Variants in KLHL1 observed in about 807,000 individuals in gnomAD.
KLHL1 encodes kelch like family member 1.
KLHL1 carries 47 observed loss-of-function variants against 77.7 expected under a neutral mutation model. The observed-to-expected ratio is 0.60, with a 90% CI of 0.48 to 0.77. KLHL1 has a LOEUF of 0.77. Among genes scored for constraint, KLHL1 ranks in the 30% least tolerant of loss-of-function variants. KLHL1 has a pLI of 0.00. For missense variants in KLHL1, 925 were observed against 910.8 expected (o/e 1.02, Z -0.20); for synonymous variants, 360 against 325.2 (o/e 1.11, Z -1.15).
chr13:69,875,129 T>C (rs768680709), intron 5 of KLHL1, among the ~76,000 whole-genome samples: 1 of 151,966 alleles, frequency 6.6e-6, no homozygotes, highest in Non-Finnish European at 1.5e-5. Flanking sequence ...TCAAACACAA[T>C]TGAGATTGGG....
intron 1 of KLHL1, among the ~76,000 whole-genome samples, chr13:70,091,113 G>A (rs1887662370): frequency 1.3e-5 from 2 of 152,090 alleles, no homozygotes; most frequent in Non-Finnish European, 2.9e-5. Context: ...CTGAATAGGA[G>A]TATTCTGTTT....
intron 1 of KLHL1, among the ~76,000 whole-genome samples, chr13:69,998,818 C>T (rs1330903751): frequency 6.6e-6 from 1 of 152,020 alleles, no homozygotes; most frequent in African/African-American, 2.4e-5. Context: ...GAAGGCTCAA[C>T]TGCAAAAGAG....
At chr13:70,043,403 ATTG>A (rs1176076357) in intron 1 of KLHL1, among the ~76,000 whole-genome samples, 1 of 152,148 alleles carries the variant, frequency 6.6e-6, no homozygotes, top group East Asian at 1.9e-4. Flanking sequence ...TCAATTTATT[ATTG>A]AAGAAAGAAA....
chr13:69,840,038 T>C (rs1879180144), intron 5 of KLHL1, among the ~76,000 whole-genome samples: 1 of 151,996 alleles, frequency 6.6e-6, no homozygotes, highest in African/African-American at 2.4e-5. Flanking sequence ...CACTGAACTT[T>C]TCTTGTACAT....
At chr13:69,832,115 A>C (rs1282826792) in intron 6 of KLHL1, among the ~76,000 whole-genome samples, 1 of 149,916 alleles carries the variant, frequency 6.7e-6, no homozygotes, top group East Asian at 1.9e-4. Context: ...CGGACAAAAG[A>C]AAGAAATAAA....
In KLHL1 at chr13:70,097,301, A is replaced by T. The variant is rs1445781335; in HGVS notation, c.497+9902T>A. 3.3e-5 allele frequency among the ~76,000 whole-genome samples: 5 copies of T among 152,178 alleles called. No individual in the cohort carries two copies. In the East Asian group the frequency reaches 9.6e-4, roughly 29 times the overall value. On this transcript the variant is annotated intron_variant, in intron 1 of 10. Coordinates refer to ENST00000377844, the MANE Select transcript of KLHL1 (RefSeq NM_020866.3). ...AAAATAAATAAAACTGAAACAACAA[A>T]AACAAATCCTCAAAGCAGAGGAAAA...
intron 3 of KLHL1, among the ~76,000 whole-genome samples, chr13:69,941,153 G>A (rs1343099556): frequency 6.6e-6 from 1 of 151,964 alleles, no homozygotes; most frequent in East Asian, 1.9e-4. Flanking sequence ...CTAAACTGCA[G>A]AATATATGTT....
chr13:70,053,052 A>T (rs907988550), intron 1 of KLHL1, among the ~76,000 whole-genome samples: 1 of 151,994 alleles, frequency 6.6e-6, no homozygotes, highest in Non-Finnish European at 1.5e-5. Context: ...CCAGACAAAA[A>T]TTTTTGTATG....
At chr13:69,870,989 G>T (rs895548179) in intron 5 of KLHL1, among the ~76,000 whole-genome samples, 2 of 152,120 alleles carry the variant, frequency 1.3e-5, no homozygotes, top group Non-Finnish European at 2.9e-5. Context: ...CTGGAGGGCA[G>T]TGTCTCTGCT....
At chr13:70,005,767 G>A (rs996835828) in intron 1 of KLHL1, among the ~76,000 whole-genome samples, 7 of 151,672 alleles carry the variant, frequency 4.6e-5, no homozygotes, top group African/African-American at 1.2e-4. Context: ...TAAATACATC[G>A]TTTTATTTGT....
At chr13:69,752,540 G>A (rs1004391618) in intron 7 of KLHL1, among the ~76,000 whole-genome samples, 1 of 152,058 alleles carries the variant, frequency 6.6e-6, no homozygotes, top group Non-Finnish European at 1.5e-5. Context: ...AATAACAATC[G>A]TTTGCAACTT....
chr13:69,790,487 A>T (rs185776019), intron 7 of KLHL1, among the ~76,000 whole-genome samples: 120 of 152,146 alleles, frequency 7.9e-4, no homozygotes, highest in African/African-American at 2.7e-3. Flanking sequence ...AGACAGAGAC[A>T]TGATAACTAA....
At chr13:69,751,714 CT>C (rs1874490116) in intron 7 of KLHL1, among the ~76,000 whole-genome samples, 4 of 151,994 alleles carry the variant, frequency 2.6e-5, no homozygotes, top group Non-Finnish European at 2.9e-5. Context: ...TGTGAAGTTA[CT>C]AATATGTTTT....
At chr13:69,923,704 T>C (rs1323915922) in intron 4 of KLHL1, among the ~76,000 whole-genome samples, 3 of 152,154 alleles carry the variant, frequency 2.0e-5, no homozygotes, top group African/African-American at 7.2e-5. Flanking sequence ...CTGATGAATA[T>C]GGCAGTCCAT....
At chr13:70,077,732 T>TA (rs1019355482) in intron 1 of KLHL1, among the ~76,000 whole-genome samples, 3 of 152,018 alleles carry the variant, frequency 2.0e-5, no homozygotes, top group African/African-American at 7.2e-5. Context: ...AAATTTTCTG[T>TA]AAAAATCTAA....
intron 3 of KLHL1, 85 bp downstream of exon 3, chr13:69,961,223 T>TA (rs200797781): frequency 3.5e-5 from 40 of 1,131,114 alleles, no homozygotes; most frequent in East Asian, 9.8e-5. Flanking sequence ...GAATTTTTTT[T>TA]AAAAAAGCGT....
Position 69,701,450 on chromosome 13 carries a change from T to C in KLHL1, c.*252A>G, listed in dbSNP as rs1361798686. ...TAACTCTAGTTATTGTATGCTATAATACAAAACAAATTACCAATAACCATT... is the reference window on the plus strand; with the variant it reads ...TAACTCTAGTTATTGTATGCTATAACACAAAACAAATTACCAATAACCATT... On this transcript the variant is annotated 3_prime_UTR_variant, in exon 11 of 11. Coordinates refer to ENST00000377844, the MANE Select transcript of KLHL1 (RefSeq NM_020866.3). The C allele has an allele frequency of 2.5e-6, 1 of 399,128 alleles. No homozygotes were observed. Among genetic ancestry groups the C allele is most frequent in the African/African-American group, 2.1e-5 (1 of 47,294 alleles). 24.7% of individuals were successfully genotyped at this position (399,128 alleles called of 1,614,324 possible).
intron 1 of KLHL1, among the ~76,000 whole-genome samples, chr13:70,017,312 G>A (rs1481566737): frequency 1.3e-5 from 2 of 152,172 alleles, no homozygotes; most frequent in Non-Finnish European, 2.9e-5. Context: ...ACCCTCTTTG[G>A]GGCTCTATGG....
intron 2 of KLHL1, among the ~76,000 whole-genome samples, chr13:69,964,280 A>G (rs1884150608): frequency 6.6e-6 from 1 of 152,174 alleles, no homozygotes; most frequent in Non-Finnish European, 1.5e-5. Flanking sequence ...GGCCTTGAGT[A>G]ATCCTCCTGC....
Sources: gnomAD v4.1 joint callset for allele counts (sites outside exome capture counted in the v4.1 genomes callset) on GRCh38, gnomAD v4.1.1 for gene constraint, MANE v1.5 for transcripts, NCBI Gene and HGNC (gene_info 2026-07-23, HGNC 2026-07-21) for gene names.